The following RASAL2 variants were observed in gnomAD, a reference collection of about 807,000 sequenced individuals.
RASAL2 encodes RAS protein activator like 2.
A neutral mutation model predicts 128.9 loss-of-function variants in RASAL2; 58 were observed. The ratio of observed to expected loss-of-function variants is 0.45; its 90% CI spans 0.36 to 0.56. The LOEUF (loss-of-function observed/expected upper bound fraction) is 0.56. RASAL2 is among the 20% of genes least tolerant of loss of function. The pLI is 0.00. For missense variants in RASAL2, 1,360 were observed against 1,601.6 expected (o/e 0.85, Z 2.57); for synonymous variants, 561 against 580.8 (o/e 0.97, Z 0.49).
At chr1:178,289,869 G>A (rs1419686793) in intron 2 of RASAL2, among the ~76,000 whole-genome samples, 2 of 152,108 alleles carry the variant, frequency 1.3e-5, no homozygotes. Flanking sequence ...TCCTCCCTAA[G>A]GCCGTGGTCT....
intron 11 of RASAL2, among the ~76,000 whole-genome samples, chr1:178,453,794 A>G (rs1055921927): frequency 7.9e-5 from 12 of 152,276 alleles, no homozygotes; most frequent in African/African-American, 2.9e-4. Flanking sequence ...TCTGTTAGCA[A>G]TGTATTGAAG....
chr1:178,293,732 T>A (rs1203896278), intron 2 of RASAL2, among the ~76,000 whole-genome samples: 1 of 152,234 alleles, frequency 6.6e-6, no homozygotes, highest in Non-Finnish European at 1.5e-5. Context: ...GTTTGGGGAT[T>A]TACTGGTAAA....
At chr1:178,412,954 CTCTTTCTTTTTCTTTCTTTCTT>C (rs1014273212) in intron 4 of RASAL2, among the ~76,000 whole-genome samples, 3 of 152,000 alleles carry the variant, frequency 2.0e-5, no homozygotes, top group African/African-American at 4.8e-5. Context: ...AGCTTTCTTT[CTCTTTCTTTTTCTTTCTTTCTT>C]TCTTTCTTTT....
In RASAL2 at chr1:178,464,265, G is replaced by C. The variant is rs760762018; in HGVS notation, c.3253-13G>C. The stretch of plus-strand genomic sequence containing the variant: ...GCTGTTAGGGGAAATGCTAATAACT[G>C]TTTCTGATGCAGGTTCAGTCACCTG... On this transcript the variant is annotated splice_polypyrimidine_tract_variant and intron_variant, in intron 14 of 17. Coordinates refer to ENST00000367649, the MANE Select transcript of RASAL2 (RefSeq NM_170692.4). The C allele has an allele frequency of 5.6e-6, 9 of 1,602,438 alleles. No homozygotes were observed. The highest frequency in any genetic ancestry group is 7.7e-6 in the Non-Finnish European group (9 of 1,173,952).
chr1:178,164,876 G>T lies in RASAL2; in HGVS notation c.202+70182G>T, dbSNP rs201782197. Among the ~76,000 whole-genome samples, 23 of 148,960 alleles carry T rather than the reference G, an allele frequency of 1.5e-4. No individual in the cohort carries two copies. In the East Asian group the frequency reaches 4.3e-3, roughly 28 times the overall value. ...GTGTGTGTGTGTGTGTATACAGTGGGCCCTCTGTATCTGCTGCATATTCTG... is the reference window on the plus strand; with the variant it reads ...GTGTGTGTGTGTGTGTATACAGTGGTCCCTCTGTATCTGCTGCATATTCTG... On this transcript the variant is annotated intron_variant, in intron 1 of 17. Coordinates refer to ENST00000367649, the MANE Select transcript of RASAL2 (RefSeq NM_170692.4).
chr1:178,346,263 A>G (rs1049670499), intron 3 of RASAL2, among the ~76,000 whole-genome samples: 3 of 152,046 alleles, frequency 2.0e-5, no homozygotes, highest in Non-Finnish European at 4.4e-5. Flanking sequence ...TCAGCCAGGC[A>G]TCGTGGCATG....
At chr1:178,287,545 T>C (rs1667087308) in intron 2 of RASAL2, among the ~76,000 whole-genome samples, 1 of 152,046 alleles carries the variant, frequency 6.6e-6, no homozygotes, top group African/African-American at 2.4e-5. Flanking sequence ...ACAGCACACA[T>C]GTTTACAGCA....
intron 3 of RASAL2, among the ~76,000 whole-genome samples, chr1:178,362,587 A>G (rs1002273205): frequency 2.0e-5 from 3 of 151,642 alleles, no homozygotes; most frequent in African/African-American, 7.3e-5. Flanking sequence ...CTAGATCTCT[A>G]GATTTAGCCT....
At chr1:178,113,215 T>A (rs555592648) in intron 1 of RASAL2, among the ~76,000 whole-genome samples, 1 of 152,302 alleles carries the variant, frequency 6.6e-6, no homozygotes, top group South Asian at 2.1e-4. Context: ...TCTATCTTGA[T>A]TTACAAGCAT....
At chr1:178,099,683 G>A (rs1658821204) in intron 1 of RASAL2, among the ~76,000 whole-genome samples, 1 of 152,226 alleles carries the variant, frequency 6.6e-6, no homozygotes, top group Non-Finnish European at 1.5e-5. Flanking sequence ...TGAATAGGCC[G>A]GGCGTGGTGG....
chr1:178,342,530 G>A (rs190240588), intron 3 of RASAL2, among the ~76,000 whole-genome samples: 2 of 152,080 alleles, frequency 1.3e-5, no homozygotes, highest in East Asian at 3.8e-4. Flanking sequence ...ATTGATACAT[G>A]CTCTTGACCA....
intron 3 of RASAL2, among the ~76,000 whole-genome samples, chr1:178,364,641 C>G (rs1671307730): frequency 6.6e-6 from 1 of 152,146 alleles, no homozygotes; most frequent in Non-Finnish European, 1.5e-5. Context: ...AGTTTACTTA[C>G]AGAGCAGTGC....
At chr1:178,151,565 G>T (rs1660915913) in intron 1 of RASAL2, among the ~76,000 whole-genome samples, 2 of 152,204 alleles carry the variant, frequency 1.3e-5, no homozygotes, top group African/African-American at 4.8e-5. Context: ...CTAATTCGGT[G>T]TTTGCAGTGA....
At chr1:178,354,804 T>C (rs1217474613) in intron 3 of RASAL2, among the ~76,000 whole-genome samples, 1 of 152,210 alleles carries the variant, frequency 6.6e-6, no homozygotes, top group Non-Finnish European at 1.5e-5. Flanking sequence ...AGGAGAAATT[T>C]AAGAATAATC....
intron 1 of RASAL2, among the ~76,000 whole-genome samples, chr1:178,168,798 T>C (rs1220493030): frequency 7.9e-5 from 12 of 152,120 alleles, no homozygotes; most frequent in Non-Finnish European, 1.8e-4. Context: ...CTTATTCCTG[T>C]TCTTTACTGT....
intron 4 of RASAL2, among the ~76,000 whole-genome samples, chr1:178,415,493 T>A (rs932464930): frequency 4.6e-5 from 7 of 152,138 alleles, no homozygotes; most frequent in African/African-American, 1.7e-4. Flanking sequence ...CAGAATTTGA[T>A]CTGTCTTGGT....
intron 1 of RASAL2, among the ~76,000 whole-genome samples, chr1:178,162,060 C>T (rs1377829499): frequency 6.7e-6 from 1 of 149,988 alleles, no homozygotes; most frequent in African/African-American, 2.4e-5. Context: ...CGCCTCTCAG[C>T]TTCACGCCAT....
intron 1 of RASAL2, among the ~76,000 whole-genome samples, chr1:178,226,935 C>G (rs936855364): frequency 6.7e-6 from 1 of 150,246 alleles, no homozygotes; most frequent in Non-Finnish European, 1.5e-5. Context: ...ATGAGACTGT[C>G]TCAGAAAACA....
intron 1 of RASAL2, among the ~76,000 whole-genome samples, chr1:178,220,467 TA>T: frequency 6.6e-6 from 1 of 152,254 alleles, no homozygotes; most frequent in South Asian, 2.1e-4. Flanking sequence ...ATTACCATAA[TA>T]GATACAATAG....
Sources: gnomAD v4.1 joint callset for allele counts (sites outside exome capture counted in the v4.1 genomes callset) on GRCh38, gnomAD v4.1.1 for gene constraint, MANE v1.5 for transcripts, NCBI Gene and HGNC (gene_info 2026-07-23, HGNC 2026-07-21) for gene names.